The following LAMA1 variants were observed in gnomAD, a reference collection of about 807,000 sequenced individuals.
LAMA1 encodes the protein laminin subunit alpha-1.
In LAMA1, 219 loss-of-function variants were observed where a neutral mutation model predicts 348.7. That is an observed-to-expected ratio of 0.63 (90% confidence interval 0.56 to 0.70). The LOEUF is 0.70. Among genes scored for constraint, LAMA1 ranks in the 30% least tolerant of loss-of-function variants. The pLI is 0.00. For missense variants in LAMA1, 3,744 were observed against 3,888.0 expected, an observed-to-expected ratio of 0.96 and a Z score of 0.99; for synonymous variants, 1,487 against 1,491.0, an observed-to-expected ratio of 1.00 and a Z score of 0.06.
intron 39 of LAMA1, among the ~76,000 whole-genome samples, chr18:6,984,204 T>A (rs2057724221): frequency 6.6e-6 from 1 of 152,184 alleles, no homozygotes; most frequent in South Asian, 2.1e-4. Flanking sequence ...ATTTAGCGCA[T>A]AATTTATGCA....
intron 18 of LAMA1, 128 bp from the exon 19 acceptor site, chr18:7,023,503 G>A (rs2057927922): frequency 1.2e-6 from 1 of 804,558 alleles, no homozygotes; most frequent in Non-Finnish European, 2.1e-6. Flanking sequence ...CTGTGAAAGG[G>A]ATATGACTCC....
At chr18:6,970,922 T>A (rs2057655588) in intron 48 of LAMA1, among the ~76,000 whole-genome samples, 1 of 152,270 alleles carries the variant, frequency 6.6e-6, no homozygotes, top group East Asian at 1.9e-4. Flanking sequence ...TGGTCCTAAC[T>A]TTTTAAACAA....
At chr18:7,045,454 G>A (rs931770238) in intron 6 of LAMA1, among the ~76,000 whole-genome samples, 1 of 151,522 alleles carries the variant, frequency 6.6e-6, no homozygotes, top group African/African-American at 2.4e-5. Context: ...TGGACAACAA[G>A]AGCAAAACTG....
intron 51 of LAMA1, chr18:6,963,960 T>G (rs2057620788): frequency 6.5e-6 from 1 of 153,028 alleles, no homozygotes; most frequent in East Asian, 1.9e-4. Flanking sequence ...ACATACATTA[T>G]TCAGTCTAAC....
Position 7,011,302 on chromosome 18 carries a change from G to T in LAMA1, c.3685C>A (p.Gln1229Lys). ...TCTCGGCTGGGCGTGCACCTCACCT[G>T]GTCTCCTTGGAACTGCTGCGGCAGC... ...WRLPQQFQGD[Q>K]LMAYGGKLKY... Residue 1229 changes from glutamine (Q) to lysine (K), a missense_variant and splice_region_variant, in exon 25 of 63, where the codon CAG becomes AAG. By Grantham distance (53) the Gln-to-Lys change is moderately conservative (BLOSUM62 1). Around this residue, in one of 3 missense-constraint regions of LAMA1, gnomAD observed 1,529 missense variants for 1,689.4 expected, o/e 0.91. Transcript: ENST00000389658. The T allele has an allele frequency of 6.2e-7, 1 of 1,610,424 alleles. No individual in the cohort carries two copies. The highest frequency in any genetic ancestry group is 8.5e-7 in the Non-Finnish European group (1 of 1,179,070).
In LAMA1 at chr18:6,955,333, G is replaced by A. The variant is rs780770717; in HGVS notation, c.8207+20C>T. On this transcript the variant is annotated intron_variant, in intron 57 of 62. Coordinates refer to ENST00000389658, the MANE Select transcript of LAMA1 (RefSeq NM_005559.4). ...ATCTAGCAATGAGACGCCGCATAAG[G>A]ATGTTAGAATGATACCTACTTCTTT... The A allele has an allele frequency of 5.7e-6, 9 of 1,582,026 alleles. No individual in the cohort carries two copies. The Admixed American group carries it at 1.5e-4, about 27-fold the overall frequency.
intron 3 of LAMA1, chr18:7,079,655 C>T (rs1414230246): frequency 7.2e-6 from 3 of 414,574 alleles, no homozygotes; most frequent in Admixed American, 7.4e-5. Context: ...CCCTCTCCCT[C>T]CCCATGCATC....
intron 13 of LAMA1, among the ~76,000 whole-genome samples, chr18:7,035,211 G>A (rs1356001359): frequency 1.3e-5 from 2 of 152,078 alleles, no homozygotes; most frequent in Non-Finnish European, 2.9e-5. Context: ...TTACCACTTG[G>A]GGAGTCCTCC....
In LAMA1 at chr18:7,108,731, T is replaced by C. The variant is rs79420336; in HGVS notation, c.61+8929A>G. ...AAAGCATTCATATGTGGATGCATTA[T>C]CTCCAGTTCTCCCCACTCCAAACTT... On this transcript the variant is annotated intron_variant, in intron 1 of 62. Transcript: ENST00000389658. Among the ~76,000 whole-genome samples, 125 of 149,572 alleles carry C rather than the reference T, an allele frequency of 8.4e-4. 1 individual carries two copies. The East Asian group carries it at 0.022, about 26-fold the overall frequency.
intron 37 of LAMA1, 101 bp from the exon 38 acceptor site, chr18:6,985,744 CT>C: frequency 9.4e-6 from 7 of 743,342 alleles, no homozygotes; most frequent in Admixed American, 6.5e-5. Context: ...ATGGGACTCA[CT>C]TTTATTTTAT....
At chr18:7,092,429 T>C (rs550102148) in intron 1 of LAMA1, among the ~76,000 whole-genome samples, 1 of 151,968 alleles carries the variant, frequency 6.6e-6, no homozygotes, top group African/African-American at 2.4e-5. Context: ...ATCGAGACCA[T>C]CCTGGCTAAC....
In LAMA1 at chr18:7,025,161, T is replaced by G. The variant is rs1487636862; in HGVS notation, c.2403-695A>C. Among the ~76,000 whole-genome samples the G allele has an allele frequency of 2.0e-5, 3 of 152,166 alleles. No individual in the cohort carries two copies. In the East Asian group the frequency reaches 5.8e-4, roughly 29 times the overall value. On this transcript the variant is annotated intron_variant, in intron 17 of 62. Transcript: ENST00000389658. ...GCTTTTAAGCTGCTGGCCTGTGGGA[T>G]GCACTTGCCCCAGTGTGACTATAAG... is the stretch of plus-strand genomic sequence containing the variant.
intron 3 of LAMA1, among the ~76,000 whole-genome samples, chr18:7,052,984 C>T (rs934812938): frequency 6.6e-6 from 1 of 152,190 alleles, no homozygotes; most frequent in Non-Finnish European, 1.5e-5. Flanking sequence ...CGTGCCACTG[C>T]ACTCCAGCCT....
rs72889710 is a variant in LAMA1 at position 7,076,128 on chromosome 18, C to A, written c.345+3847G>T. On this transcript the variant is annotated intron_variant, in intron 3 of 62. Transcript: ENST00000389658. ...ATGGAGTATATAGTCTAGAAAACAA[C>A]TGGTAGTTGGCTAATGGCTAAGGAA... Among the ~76,000 whole-genome samples the A allele has an allele frequency of 6.5e-3, 988 of 152,174 alleles. 10 individuals are homozygous for A. The highest frequency in any genetic ancestry group is 0.014 in the Middle Eastern group (4 of 294).
intron 49 of LAMA1, chr18:6,965,674 G>A (rs1568010409): frequency 9.4e-6 from 5 of 532,270 alleles, no homozygotes; most frequent in Admixed American, 6.5e-5. Flanking sequence ...AAGAGAAGTG[G>A]AATCTCCTCG....
intron 39 of LAMA1, among the ~76,000 whole-genome samples, chr18:6,984,724 AT>A: frequency 6.6e-6 from 1 of 152,366 alleles, no homozygotes; most frequent in South Asian, 2.1e-4. Context: ...TTGTATTACA[AT>A]GGCAGACTTT....
chr18:7,015,703 C>G lies in LAMA1; in HGVS notation c.3126+19G>C, dbSNP rs369112310. 3 of 1,613,010 alleles carry G rather than the reference C, an allele frequency of 1.9e-6. No homozygotes were observed. The highest frequency in any genetic ancestry group is 2.5e-6 in the Non-Finnish European group (3 of 1,179,926). Reference sequence around the variant, plus strand: ...AAAGCAACTCTCAGTTAAGCAAGAGCGTGGATGACAGTGCTCACCTGGCAC... The same window carrying G: ...AAAGCAACTCTCAGTTAAGCAAGAGGGTGGATGACAGTGCTCACCTGGCAC... On this transcript the variant is annotated intron_variant, in intron 22 of 62. Transcript: ENST00000389658.
intron 3 of LAMA1, among the ~76,000 whole-genome samples, chr18:7,068,072 T>C (rs2058130559): frequency 3.3e-5 from 5 of 152,258 alleles, no homozygotes; most frequent in Admixed American, 3.3e-4. Flanking sequence ...AGGCTGGTCT[T>C]GATCTCCTGA....
intron 19 of LAMA1, among the ~76,000 whole-genome samples, chr18:7,021,137 G>A (rs1282604121): frequency 6.6e-6 from 1 of 151,722 alleles, no homozygotes; most frequent in Non-Finnish European, 1.5e-5. Flanking sequence ...CACTCTTCTT[G>A]GGGCTCTTCT....
Sources: allele counts gnomAD v4.1 joint callset (sites outside exome capture counted in the v4.1 genomes callset), GRCh38; gene constraint gnomAD v4.1.1; regional missense constraint gnomAD v4.1.1; transcripts MANE v1.5; gene names NCBI Gene and HGNC (gene_info 2026-07-23, HGNC 2026-07-21).